MGLL: variants seen among roughly 807,000 people sequenced by gnomAD.
MGLL encodes monoglyceride lipase.
Under a neutral mutation model 29.1 loss-of-function variants are expected in MGLL, and 7 were observed. The ratio of observed to expected loss-of-function variants is 0.24; its 90% confidence interval spans 0.14 to 0.45. The LOEUF (loss-of-function observed/expected upper bound fraction) is 0.45. Among genes scored for constraint, MGLL ranks in the 20% least tolerant of loss-of-function variants. MGLL has a pLI of 0.99. For missense variants in MGLL, 356 were observed against 413.6 expected, an observed-to-expected ratio of 0.86 and a Z score of 1.21; for synonymous variants, 148 against 168.3, an observed-to-expected ratio of 0.88 and a Z score of 0.93.
At chr3:127,786,432 C>T (rs889770817) in intron 2 of MGLL, among the ~76,000 whole-genome samples, 1 of 152,202 alleles carries the variant, frequency 6.6e-6, no homozygotes, top group Non-Finnish European at 1.5e-5. Context: ...GATCTTTTTC[C>T]TGGAACTTCT....
At chr3:127,818,878 T>C (rs1311502546) in intron 2 of MGLL, among the ~76,000 whole-genome samples, 1 of 152,242 alleles carries the variant, frequency 6.6e-6, no homozygotes, top group East Asian at 1.9e-4. Flanking sequence ...GTCCAGACCC[T>C]AGAACATACC....
intron 3 of MGLL, among the ~76,000 whole-genome samples, chr3:127,745,107 G>A (rs951239466): frequency 4.6e-5 from 7 of 152,174 alleles, no homozygotes; most frequent in Non-Finnish European, 8.8e-5. Context: ...CCTTGCAAAC[G>A]TCTCCACCGC....
chr3:127,795,835 G>A (rs1467281861), intron 2 of MGLL, among the ~76,000 whole-genome samples: 4 of 152,114 alleles, frequency 2.6e-5, no homozygotes, highest in Admixed American at 2.0e-4. Context: ...AAATATAGAT[G>A]AGCATGAAGG....
intron 3 of MGLL, among the ~76,000 whole-genome samples, chr3:127,725,659 G>A (rs571974698): frequency 1.5e-4 from 23 of 151,968 alleles, no homozygotes; most frequent in South Asian, 6.2e-4. Context: ...CAAAAACACT[G>A]AAAAAAACAT....
chr3:127,814,610 G>A (rs937031811), intron 2 of MGLL, among the ~76,000 whole-genome samples: 3 of 152,064 alleles, frequency 2.0e-5, no homozygotes, highest in Admixed American at 6.5e-5. Flanking sequence ...AGCTTATTCT[G>A]CTATTTTTTT....
At chr3:127,769,680 T>C (rs913851984) in intron 3 of MGLL, among the ~76,000 whole-genome samples, 1 of 152,226 alleles carries the variant, frequency 6.6e-6, no homozygotes, top group African/African-American at 2.4e-5. Flanking sequence ...AAGTAGCAAG[T>C]GAGCTCCAAG....
intron 3 of MGLL, among the ~76,000 whole-genome samples, chr3:127,744,415 C>T (rs1463531968): frequency 6.6e-6 from 1 of 152,170 alleles, no homozygotes; most frequent in Admixed American, 6.5e-5. Context: ...GATCACATTG[C>T]CACGTGTCAT....
chr3:127,772,348 G>A (rs1205831805), intron 3 of MGLL, among the ~76,000 whole-genome samples: 2 of 152,182 alleles, frequency 1.3e-5, no homozygotes, highest in Non-Finnish European at 2.9e-5. Flanking sequence ...GGCTGGTATT[G>A]TTAGCCCATT....
rs537722500 is a variant in MGLL, at chr3:127,761,986, A to T, written c.262+19803T>A. ...AGACACCGAGAACACAGCTTAATAG[A>T]TCTGTGATTTGGAATTCTGATCCTG... On this transcript the variant is annotated intron_variant, in intron 3 of 7. Transcript: ENST00000265052. The surrounding 1 kb of genome is among the most constrained non-coding windows in gnomAD (Gnocchi z 4.6). Among the ~76,000 whole-genome samples, 87 of 151,922 alleles carry T rather than the reference A, an allele frequency of 5.7e-4. No homozygotes were observed. The highest frequency in any genetic ancestry group is 1.1e-3 in the Non-Finnish European group (75 of 67,980).
intron 3 of MGLL, among the ~76,000 whole-genome samples, chr3:127,729,201 T>C (rs1257294475): frequency 6.6e-6 from 1 of 152,170 alleles, no homozygotes; most frequent in Non-Finnish European, 1.5e-5. Flanking sequence ...TGAATTTTGA[T>C]TCTTGGTGAT....
chr3:127,726,287 G>T (rs1038252916), intron 3 of MGLL, among the ~76,000 whole-genome samples: 1 of 33,812 alleles, frequency 3.0e-5, no homozygotes, highest in Non-Finnish European at 7.3e-5. Flanking sequence ...AGAGAGGAAG[G>T]AAGGAAGGGA....
At chr3:127,724,529 T>G (rs1197318535) in intron 3 of MGLL, among the ~76,000 whole-genome samples, 1 of 152,246 alleles carries the variant, frequency 6.6e-6, no homozygotes, top group African/African-American at 2.4e-5. Flanking sequence ...AATATGGGTG[T>G]GCAAATATCT....
intron 6 of MGLL, 117 bp downstream of exon 6, chr3:127,710,459 C>A: frequency 1.0e-6 from 1 of 994,428 alleles, no homozygotes; most frequent in Non-Finnish European, 1.6e-6. Context: ...GTCCTTGTCA[C>A]TTTGCACAGG....
At chr3:127,821,568 A>T in intron 2 of MGLL, 126 bp downstream of exon 2, 1 of 1,032,940 alleles carries the variant, frequency 9.7e-7, no homozygotes, top group South Asian at 1.3e-5. Context: ...GCCTAACATT[A>T]AAACGGCAGG....
At chr3:127,695,225 G>C (rs749993521) in intron 6 of MGLL, 35 bp from the exon 7 acceptor site, 3 of 1,590,822 alleles carry the variant, frequency 1.9e-6, no homozygotes, top group Non-Finnish European at 2.6e-6. Context: ...ATCAGCATGG[G>C]CAGGGCTCAC....
chr3:127,736,104 C>T (rs1468476452), intron 3 of MGLL: 34 of 1,184,492 alleles, frequency 2.9e-5, no homozygotes, highest in Middle Eastern at 6.7e-4. Flanking sequence ...AGTGCTAGTT[C>T]CATTGTTTGG....
intron 2 of MGLL, among the ~76,000 whole-genome samples, chr3:127,782,967 T>C (rs1208066257): frequency 1.3e-5 from 2 of 151,890 alleles, no homozygotes; most frequent in Non-Finnish European, 2.9e-5. Flanking sequence ...GGCGGGCAGA[T>C]CACTTGAGAC....
rs532344302 is a variant in MGLL at position 127,761,974 on chromosome 3, A to T, written c.262+19815T>A. On this transcript the variant is annotated intron_variant, in intron 3 of 7. Transcript: ENST00000265052. The surrounding 1 kb of genome is among the most constrained non-coding windows in gnomAD (Gnocchi z 4.6). ...GGGGAGAAACCAAGACACCGAGAAC[A>T]CAGCTTAATAGATCTGTGATTTGGA... is the stretch of plus-strand genomic sequence containing the variant. Among the ~76,000 whole-genome samples the T allele has an allele frequency of 6.6e-6, 1 of 152,258 alleles. No homozygotes were observed. Among genetic ancestry groups the T allele is most frequent in the Admixed American group, 6.5e-5 (1 of 15,296 alleles).
intron 2 of MGLL, among the ~76,000 whole-genome samples, chr3:127,790,076 G>A (rs115192448): frequency 0.011 from 1,743 of 152,338 alleles, 43 homozygotes; most frequent in South Asian, 0.095. Context: ...GCAGTATCCT[G>A]TGGGCTGGGG....
Sources: gnomAD v4.1 joint callset for allele counts (sites outside exome capture counted in the v4.1 genomes callset) on GRCh38, gnomAD v4.1.1 for gene constraint, Gnocchi (gnomAD v3.1) non-coding constraint, MANE v1.5 for transcripts, NCBI Gene and HGNC (gene_info 2026-07-23, HGNC 2026-07-21) for gene names.